Variants in GNGT1 observed in about 807,000 individuals in gnomAD.
The protein encoded by GNGT1 is G protein subunit gamma transducin 1.
In GNGT1, 4 loss-of-function variants were observed where a neutral mutation model predicts 7.4. That is an observed-to-expected ratio of 0.54 (90% CI 0.27 to 1.24). GNGT1 has a LOEUF of 1.24. Ranked by LOEUF, GNGT1 falls within the 50% of genes most tolerant of loss-of-function variation. The pLI, the probability that GNGT1 is intolerant of heterozygous loss-of-function variation, is 0.12. For synonymous variants in GNGT1, 37 were observed against 30.2 expected (o/e 1.23, Z -0.74); for missense variants, 95 against 82.4 (o/e 1.15, Z -0.59).
intron 2 of GNGT1, among the ~76,000 whole-genome samples, chr7:93,907,160 G>A (rs1037855506): frequency 1.4e-5 from 2 of 146,438 alleles, no homozygotes; most frequent in Non-Finnish European, 1.5e-5. Flanking sequence ...AAGAGAGAGA[G>A]AAAGAAAGGG....
At chr7:93,907,939 A>G (rs1024546901) in intron 2 of GNGT1, among the ~76,000 whole-genome samples, 8 of 152,168 alleles carry the variant, frequency 5.3e-5, no homozygotes, top group African/African-American at 1.9e-4. Flanking sequence ...TATTTTTACA[A>G]TTCAGGGTAA....
intron 2 of GNGT1, among the ~76,000 whole-genome samples, chr7:93,908,339 A>T (rs1794408762): frequency 6.6e-6 from 1 of 152,036 alleles, no homozygotes; most frequent in Non-Finnish European, 1.5e-5. Context: ...GGTGACTTTT[A>T]ACCAACAGAA....
chr7:93,907,150 AAG>A (rs1052952381), intron 2 of GNGT1, among the ~76,000 whole-genome samples: 1 of 152,156 alleles, frequency 6.6e-6, no homozygotes, highest in South Asian at 2.1e-4. Flanking sequence ...AGAGAGAAAG[AAG>A]AGAGAGAGAA....
intron 2 of GNGT1, 92 bp from the exon 3 acceptor site, chr7:93,910,698 A>G (rs1185891358): frequency 4.5e-6 from 4 of 894,872 alleles, no homozygotes; most frequent in East Asian, 2.6e-5. Flanking sequence ...GAAATTATAC[A>G]ACCTGAAAAT....
chr7:93,907,777 C>G (rs1584090239), intron 2 of GNGT1, among the ~76,000 whole-genome samples: 1 of 152,244 alleles, frequency 6.6e-6, no homozygotes, highest in East Asian at 1.9e-4. Context: ...ATGCCTGCTC[C>G]CAGTCAAAAC....
chr7:93,907,564 C>A (rs1236963875), intron 2 of GNGT1, among the ~76,000 whole-genome samples: 3 of 152,054 alleles, frequency 2.0e-5, no homozygotes, highest in South Asian at 4.1e-4. Context: ...GAAGAAATGG[C>A]AAAGGAATAA....
intron 2 of GNGT1, chr7:93,910,549 T>C: frequency 4.7e-6 from 1 of 212,444 alleles, no homozygotes; most frequent in Middle Eastern, 1.6e-3. Flanking sequence ...AGGCAGTGTC[T>C]GCTGGGAATC....
intron 2 of GNGT1, among the ~76,000 whole-genome samples, chr7:93,907,208 GA>G (rs1002229707): frequency 5.3e-5 from 8 of 151,486 alleles, no homozygotes; most frequent in African/African-American, 1.7e-4. Context: ...AGAAAGAAAA[GA>G]AAAAGAGAAA....
intron 2 of GNGT1, chr7:93,909,885 GA>G (rs1455725311): frequency 1.7e-5 from 3 of 173,294 alleles, no homozygotes; most frequent in Non-Finnish European, 3.6e-5. Flanking sequence ...ATGACTTATG[GA>G]ATGGCCACTT....
At chr7:93,906,964 T>C in intron 2 of GNGT1, 122 bp downstream of exon 2, 1 of 547,560 alleles carries the variant, frequency 1.8e-6, no homozygotes, top group Non-Finnish European at 3.2e-6. Flanking sequence ...TCTAAAAATT[T>C]ATCAAAGATT....
Position 93,911,141 on chromosome 7 carries a change from T to C in GNGT1, c.*223T>C, listed in dbSNP as rs1794461768. On this transcript the variant is annotated 3_prime_UTR_variant, in exon 3 of 3. Transcript: ENST00000248572. ...TTTAACACATAATTGCCAATAAATA[T>C]TGCTTAAAGTTCTTTAAAAAGAACT... 4.0e-6 allele frequency: 1 copy of C among 248,232 alleles called. No individual in the cohort carries two copies. Among genetic ancestry groups the C allele is most frequent in the Non-Finnish European group, 7.7e-6 (1 of 129,918 alleles). 15.4% of individuals were successfully genotyped at this position (248,232 alleles called of 1,614,324 possible).
Position 93,906,783 on chromosome 7 carries a change from G to A in GNGT1, c.37G>A (p.Asp13Asn), listed in dbSNP as rs765842422. The A allele has an allele frequency of 1.2e-6, 2 of 1,606,758 alleles. No individual in the cohort carries two copies. The highest frequency in any genetic ancestry group is 1.1e-5 in the South Asian group (1 of 89,880). The change falls in exon 2 of 3, where the codon GAC becomes AAC. Residue 13 changes from aspartate to asparagine, a missense_variant. Asp to Asn is a conservative substitution (Grantham distance 23). Coordinates refer to ENST00000248572, the MANE Select transcript of GNGT1 (RefSeq NM_021955.5). ...VINIEDLTEK[D>N]KLKMEVDQLK... ...CAATATTGAGGACCTGACAGAAAAG[G>A]ACAAATTGAAGATGGAAGTTGACCA...
intron 2 of GNGT1, among the ~76,000 whole-genome samples, chr7:93,907,799 G>A (rs988025480): frequency 6.6e-6 from 1 of 151,974 alleles, no homozygotes; most frequent in Non-Finnish European, 1.5e-5. Flanking sequence ...GGGATTTTGG[G>A]CTTCGTCTAT....
In GNGT1 at chr7:93,911,184, C is replaced by G. The variant is rs1227793248; in HGVS notation, c.*266C>G. The G allele has an allele frequency of 5.5e-6, 1 of 182,534 alleles. No homozygotes were observed. Among genetic ancestry groups the G allele is most frequent in the East Asian group, 1.3e-4 (1 of 7,862 alleles). 11.3% of individuals were successfully genotyped at this position (182,534 alleles called of 1,614,324 possible). On this transcript the variant is annotated 3_prime_UTR_variant, in exon 3 of 3. Coordinates refer to ENST00000248572, the MANE Select transcript of GNGT1 (RefSeq NM_021955.5). ...AAAGAACTATGTTTTATAAATGATTCTATATTATTCTGAGTTGTCAGCATA... is the reference window on the plus strand; with the variant it reads ...AAAGAACTATGTTTTATAAATGATTGTATATTATTCTGAGTTGTCAGCATA...
intron 2 of GNGT1, among the ~76,000 whole-genome samples, chr7:93,908,344 A>G (rs953379840): frequency 1.3e-5 from 2 of 152,210 alleles, no homozygotes; most frequent in South Asian, 4.1e-4. Context: ...CTTTTAACCA[A>G]CAGAAATGTA....
rs532263281 is a variant in GNGT1 at position 93,911,176 on chromosome 7, A to G, written c.*258A>G. ...TTCTTTAAAAAGAACTATGTTTTAT[A>G]AATGATTCTATATTATTCTGAGTTG... is the stretch of plus-strand genomic sequence containing the variant. On this transcript the variant is annotated 3_prime_UTR_variant, in exon 3 of 3. Transcript: ENST00000248572. 3.1e-5 allele frequency: 6 copies of G among 195,172 alleles called. No individual in the cohort carries two copies. Among genetic ancestry groups the G allele is most frequent in the African/African-American group, 1.4e-4 (6 of 43,088 alleles). 12.1% of individuals were successfully genotyped at this position (195,172 alleles called of 1,614,324 possible).
At chr7:93,909,665 G>A in intron 2 of GNGT1, 1 of 518,908 alleles carries the variant, frequency 1.9e-6, no homozygotes, top group South Asian at 3.5e-5. Flanking sequence ...CAAAAGTTAT[G>A]TGAATCTGCA....
chr7:93,909,601 G>A, intron 2 of GNGT1: 1 of 620,112 alleles, frequency 1.6e-6, no homozygotes, highest in South Asian at 1.9e-5. Context: ...TAGAGAGAGA[G>A]TGTGGGACCA....
chr7:93,909,792 C>A, intron 2 of GNGT1: 8 of 268,284 alleles, frequency 3.0e-5, no homozygotes, highest in East Asian at 6.4e-5. Flanking sequence ...AATCTTAAGT[C>A]TTATATCAAA....
Sources: allele counts gnomAD v4.1 joint callset (sites outside exome capture counted in the v4.1 genomes callset), GRCh38; gene constraint gnomAD v4.1.1; transcripts MANE v1.5; gene names NCBI Gene and HGNC (gene_info 2026-07-23, HGNC 2026-07-21).